EEF1G: variants seen among roughly 807,000 people sequenced by gnomAD.
The protein encoded by EEF1G is elongation factor 1-gamma.
A neutral mutation model predicts 58.3 loss-of-function variants in EEF1G; 14 were observed. That is an observed-to-expected ratio of 0.24 (90% confidence interval 0.16 to 0.38). The LOEUF is 0.38. Among genes scored for constraint, EEF1G ranks in the 10% least tolerant of loss-of-function variants. EEF1G has a pLI of 1.00. For synonymous variants in EEF1G, 180 were observed against 206.8 expected, an observed-to-expected ratio of 0.87 and a Z score of 1.11; for missense variants, 322 against 550.1, an observed-to-expected ratio of 0.59 and a Z score of 4.15.
chr11:62,571,407 C>T, intron 4 of EEF1G, 133 bp downstream of exon 4: 1 of 1,371,578 alleles, frequency 7.3e-7, no homozygotes, highest in Non-Finnish European at 9.8e-7. Flanking sequence ...AAACTCGTAC[C>T]CTAGAGATTA....
At chr11:62,570,154 T>G (rs1341951282) in intron 5 of EEF1G, among the ~76,000 whole-genome samples, 3 of 151,282 alleles carry the variant, frequency 2.0e-5, no homozygotes, top group Admixed American at 6.6e-5. Flanking sequence ...CTCCACCTCC[T>G]GGGTTCAAGC....
At position 62,571,127 on chromosome 11, in the gene EEF1G, AAAAC is replaced by A. The variant is rs1941625447; in HGVS notation, c.379-23_379-20del. 6.2e-7 allele frequency: 1 copy of A among 1,613,486 alleles called. No homozygotes were observed. Among genetic ancestry groups the A allele is most frequent in the Admixed American group, 1.7e-5 (1 of 60,002 alleles). On this transcript the variant is annotated intron_variant, in intron 4 of 9. Coordinates refer to ENST00000329251, the MANE Select transcript of EEF1G (RefSeq NM_001404.5). ...CAGTGGCCTAGTGATTCAACATGAT[AAAAC>A]TCATCAGTGGGTACCAATCCCTTTC...
At chr11:62,570,029 G>C (rs935372322) in intron 5 of EEF1G, among the ~76,000 whole-genome samples, 10 of 151,572 alleles carry the variant, frequency 6.6e-5, no homozygotes, top group Middle Eastern at 3.4e-3. Flanking sequence ...GCCAAGGCTT[G>C]AACCTGTATC....
chr11:62,568,001 G>A (rs572326149), intron 5 of EEF1G, among the ~76,000 whole-genome samples: 11 of 151,204 alleles, frequency 7.3e-5, no homozygotes, highest in Admixed American at 1.3e-4. Context: ...TCTCCGAGGC[G>A]GGCGGATCAC....
At position 62,573,820 on chromosome 11, in the gene EEF1G, A is replaced by G; in HGVS notation, c.12+11T>C. 5 of 1,613,736 alleles carry G rather than the reference A, an allele frequency of 3.1e-6. No homozygotes were observed. The highest frequency in any genetic ancestry group is 4.2e-6 in the Non-Finnish European group (5 of 1,179,820). On this transcript the variant is annotated intron_variant, in intron 1 of 9. Transcript: ENST00000329251. ...TAGGATGACCCGAACCACCAGAGCC[A>G]GCAAACTTACCCCAGCCGCCATGGT... is the stretch of plus-strand genomic sequence containing the variant.
At chr11:62,562,858 T>C (rs891169571) in intron 7 of EEF1G, among the ~76,000 whole-genome samples, 7 of 152,220 alleles carry the variant, frequency 4.6e-5, no homozygotes. Flanking sequence ...TTTGTGCTTA[T>C]ACTTTGTTGT....
intron 7 of EEF1G, among the ~76,000 whole-genome samples, chr11:62,563,068 C>A (rs930612907): frequency 4.0e-5 from 6 of 151,780 alleles, no homozygotes; most frequent in Non-Finnish European, 7.4e-5. Flanking sequence ...CGAGATCACA[C>A]CACTGCACTC....
intron 3 of EEF1G, 75 bp downstream of exon 3, chr11:62,571,763 A>AC (rs965113898): frequency 6.4e-7 from 1 of 1,559,426 alleles, no homozygotes; most frequent in Non-Finnish European, 8.7e-7. Context: ...CTTCATATCC[A>AC]CCCCCGCTCA....
At chr11:62,561,300 A>G (rs545322943) in intron 7 of EEF1G, among the ~76,000 whole-genome samples, 1 of 151,422 alleles carries the variant, frequency 6.6e-6, no homozygotes, top group East Asian at 1.9e-4. Flanking sequence ...AATAGCTTGA[A>G]CCCGAGAGGC....
chr11:62,573,683 G>T, intron 1 of EEF1G, 148 bp downstream of exon 1: 2 of 1,170,074 alleles, frequency 1.7e-6, no homozygotes, highest in South Asian at 2.6e-5. Flanking sequence ...CCAGGCCCTA[G>T]GAACCCTACT....
rs573227359 is a variant in EEF1G at position 62,569,059 on chromosome 11, C to A, written c.523-1531G>T. On this transcript the variant is annotated intron_variant, in intron 5 of 9. Coordinates refer to ENST00000329251, the MANE Select transcript of EEF1G (RefSeq NM_001404.5). ...TCTAAACACTATAGGTATTTACTAT[C>A]TATATTGGCCATACTATACACACAC... is the stretch of plus-strand genomic sequence containing the variant. 2.0e-4 allele frequency among the ~76,000 whole-genome samples: 30 copies of A among 151,980 alleles called. 1 individual carries two copies. The South Asian group carries it at 6.2e-3, about 32-fold the overall frequency.
intron 7 of EEF1G, among the ~76,000 whole-genome samples, chr11:62,566,050 C>T (rs1941552068): frequency 6.6e-6 from 1 of 152,072 alleles, no homozygotes; most frequent in Non-Finnish European, 1.5e-5. Context: ...GCAAAGTGAC[C>T]ACAGAATATA....
At chr11:62,572,865 T>G (rs981779877) in intron 1 of EEF1G, 123 bp from the exon 2 acceptor site, 15 of 913,638 alleles carry the variant, frequency 1.6e-5, no homozygotes, top group Non-Finnish European at 2.3e-5. Context: ...CTTCCTCTGG[T>G]GAACCAAGTC....
chr11:62,573,640 C>G, intron 1 of EEF1G, 191 bp downstream of exon 1: 1 of 774,756 alleles, frequency 1.3e-6, no homozygotes. Flanking sequence ...CCTTCCACCT[C>G]TGGCCTCCGA....
intron 5 of EEF1G, 78 bp downstream of exon 5, chr11:62,570,887 A>G: frequency 1.3e-6 from 2 of 1,589,504 alleles, no homozygotes; most frequent in Non-Finnish European, 1.7e-6. Context: ...AGCAGAATAC[A>G]GGGTAACCTA....
rs770207953 is a variant in EEF1G at position 62,560,106 on chromosome 11, C to G, written c.1118G>C (p.Gly373Ala). ...FGTNNSSSISGVWVFRGQELA... is the reference protein window; with the variant it reads ...FGTNNSSSISAVWVFRGQELA... Reference sequence around the variant, plus strand: ...CTCCTGGCCTCGGAAGACCCAGACTCCAGAAATGGAGCTGCTATTGTTGGT... The same window carrying G: ...CTCCTGGCCTCGGAAGACCCAGACTGCAGAAATGGAGCTGCTATTGTTGGT... The change falls in exon 9 of 10, where the codon GGA (glycine) becomes GCA (alanine). Residue 373 changes from glycine (G) to alanine (A), a missense_variant. Physicochemically the swap from Gly to Ala is moderately conservative, Grantham distance 60. Around this residue, in one of 3 missense-constraint regions of EEF1G, gnomAD observed 208 missense variants for 323.7 expected, o/e 0.64. Coordinates refer to ENST00000329251, the MANE Select transcript of EEF1G (RefSeq NM_001404.5). 1 of 1,614,024 alleles carries G rather than the reference C, an allele frequency of 6.2e-7. No individual in the cohort carries two copies. The highest frequency in any genetic ancestry group is 1.1e-5 in the South Asian group (1 of 91,084).
chr11:62,571,509 C>T, intron 4 of EEF1G, 31 bp downstream of exon 4: 1 of 1,576,502 alleles, frequency 6.3e-7, no homozygotes, highest in Non-Finnish European at 8.6e-7. Context: ...CCACCCCTGC[C>T]CCTGGCTTCT....
intron 7 of EEF1G, among the ~76,000 whole-genome samples, chr11:62,565,301 G>T (rs1419960829): frequency 1.3e-5 from 2 of 151,840 alleles, no homozygotes; most frequent in Non-Finnish European, 2.9e-5. Context: ...TGGGAGGATC[G>T]CTTGAGTACA....
chr11:62,570,193 C>A (rs934348888), intron 5 of EEF1G, among the ~76,000 whole-genome samples: 1 of 151,980 alleles, frequency 6.6e-6, no homozygotes, highest in Non-Finnish European at 1.5e-5. Flanking sequence ...TCCCAAGTAG[C>A]TGGGATTACA....
Sources: gnomAD v4.1 joint callset for allele counts (sites outside exome capture counted in the v4.1 genomes callset) on GRCh38, gnomAD v4.1.1 for gene constraint, gnomAD v4.1.1 regional missense constraint, MANE v1.5 for transcripts, NCBI Gene and HGNC (gene_info 2026-07-23, HGNC 2026-07-21) for gene names.